TRPM1: variants seen among roughly 807,000 people sequenced by gnomAD.
TRPM1 encodes the protein TRPM1-203 APA Isoform, Intron 10.
A neutral mutation model predicts 149.4 loss-of-function variants in TRPM1; 113 were observed. That is an observed-to-expected ratio of 0.76 (90% CI 0.65 to 0.88). TRPM1 has a LOEUF of 0.88. Among genes scored for constraint, TRPM1 ranks in the 40% least tolerant of loss-of-function variants. The pLI is 0.00. For missense variants in TRPM1, 1,976 were observed against 2,038.7 expected (o/e 0.97, Z 0.59); for synonymous variants, 741 against 759.5 (o/e 0.98, Z 0.40).
At chr15:31,045,989 C>T (rs570721876) in intron 16 of TRPM1, among the ~76,000 whole-genome samples, 4 of 152,074 alleles carry the variant, frequency 2.6e-5, no homozygotes, top group African/African-American at 9.7e-5. Flanking sequence ...TTAATCTTTG[C>T]TTTTGAAACT....
chr15:31,155,579 A>T (rs2036360787), intron 1 of TRPM1, among the ~76,000 whole-genome samples: 2 of 152,244 alleles, frequency 1.3e-5, no homozygotes, highest in Admixed American at 1.3e-4. Flanking sequence ...TTTCAAAATC[A>T]TAGACAAGAC....
chr15:31,047,516 C>T (rs556540043), intron 14 of TRPM1, among the ~76,000 whole-genome samples: 1 of 152,314 alleles, frequency 6.6e-6, no homozygotes, highest in South Asian at 2.1e-4. Context: ...CTGGAAAGAG[C>T]CACAGGCAGT....
intron 27 of TRPM1, among the ~76,000 whole-genome samples, chr15:31,011,924 A>G (rs2032198064): frequency 6.6e-6 from 1 of 152,122 alleles, no homozygotes; most frequent in South Asian, 2.1e-4. Flanking sequence ...TTCGCCTCCC[A>G]AAGTGCTGGG....
chr15:31,006,849 T>A (rs192659801), intron 27 of TRPM1, among the ~76,000 whole-genome samples: 18 of 152,258 alleles, frequency 1.2e-4, no homozygotes, highest in African/African-American at 4.3e-4. Context: ...ATTCTGGTTT[T>A]AATTTTCATT....
intron 1 of TRPM1, among the ~76,000 whole-genome samples, chr15:31,115,662 C>T (rs761171694): frequency 6.6e-6 from 1 of 151,814 alleles, no homozygotes; most frequent in Non-Finnish European, 1.5e-5. Context: ...GTGAATACCA[C>T]AGAAAAATCC....
intron 1 of TRPM1, among the ~76,000 whole-genome samples, chr15:31,153,833 G>A (rs1048117481): frequency 6.6e-6 from 1 of 152,202 alleles, no homozygotes; most frequent in Non-Finnish European, 1.5e-5. Flanking sequence ...GTCTCAAACT[G>A]ATTGAGACTT....
Position 31,002,101 on chromosome 15 carries a change from G to A in TRPM1, c.4599C>T (p.Val1533=), listed in dbSNP as rs1468622803. The A allele has an allele frequency of 2.5e-6, 4 of 1,614,112 alleles. No homozygotes were observed. The highest frequency in any genetic ancestry group is 2.7e-5 in the African/African-American group (2 of 74,956). ...GAGGGATTCGAGGAATTGCTTCAGCGACATGGTGTTCATCTTGCATATCTG... is the reference window on the plus strand; with the variant it reads ...GAGGGATTCGAGGAATTGCTTCAGCAACATGGTGTTCATCTTGCATATCTG... ...QFADMQDEHH[V]AEAIPRIPRL... is the part of the protein sequence containing the mutation. Residue 1533 remains valine, a synonymous_variant, in exon 28 of 28, where the codon GTC becomes GTT. Coordinates refer to ENST00000256552, the MANE Select transcript of TRPM1 (RefSeq NM_001252024.2).
At chr15:31,149,751 C>T (rs1479389629) in intron 1 of TRPM1, among the ~76,000 whole-genome samples, 2 of 152,032 alleles carry the variant, frequency 1.3e-5, no homozygotes, top group East Asian at 1.9e-4. Flanking sequence ...GATCTCCTGA[C>T]CTTGTGATCC....
intron 23 of TRPM1, among the ~76,000 whole-genome samples, 177 bp downstream of exon 23, chr15:31,030,806 G>A (rs1235121814): frequency 6.6e-6 from 1 of 152,222 alleles, no homozygotes. Flanking sequence ...AATGACTGAT[G>A]TCTGAAAATC....
intron 1 of TRPM1, among the ~76,000 whole-genome samples, chr15:31,125,758 TATTAAA>T (rs1465139154): frequency 1.1e-5 from 1 of 91,198 alleles, no homozygotes; most frequent in African/African-American, 3.8e-5. Flanking sequence ...AAAAAAAAAT[TATTAAA>T]AAATTAAAAT....
At chr15:31,021,257 T>C (rs1429277914) in intron 27 of TRPM1, among the ~76,000 whole-genome samples, 1 of 152,222 alleles carries the variant, frequency 6.6e-6, no homozygotes, top group Non-Finnish European at 1.5e-5. Flanking sequence ...CTAAGACTGA[T>C]CTCTCTTTCA....
At position 31,002,739 on chromosome 15, in the gene TRPM1, T is replaced by C; in HGVS notation, c.3961A>G (p.Lys1321Glu). The C allele has an allele frequency of 6.2e-7, 1 of 1,614,208 alleles. No individual in the cohort carries two copies. Among genetic ancestry groups the C allele is most frequent in the Non-Finnish European group, 8.5e-7 (1 of 1,180,050 alleles). The part of the protein sequence containing the change: ...LSTSPGTGVR[K>E]KTCSFRIKEE... The stretch of plus-strand genomic sequence containing the variant: ...TTTATACGGAAGGAACAGGTTTTTT[T>C]CCTGACTCCTGTCCCTGGTGACGTG... The change falls in exon 28 of 28, where the codon AAA becomes GAA. Residue 1321 changes from lysine to glutamate, a missense_variant. This residue lies in a region of TRPM1 where 572 missense variants were observed against 578.9 expected (regional missense o/e 0.99). Transcript: ENST00000256552.
At chr15:31,113,820 A>C (rs115933157) in intron 1 of TRPM1, among the ~76,000 whole-genome samples, 1 of 152,006 alleles carries the variant, frequency 6.6e-6, no homozygotes, top group Non-Finnish European at 1.5e-5. Context: ...AGCAAGATTT[A>C]TTGTGAAGAT....
intron 3 of TRPM1, among the ~76,000 whole-genome samples, chr15:31,071,879 G>C (rs907693043): frequency 6.7e-6 from 1 of 148,572 alleles, no homozygotes; most frequent in Non-Finnish European, 1.5e-5. Flanking sequence ...CAGGAGAATC[G>C]TTTGAACCCC....
chr15:31,024,026 T>TAGG, intron 27 of TRPM1, among the ~76,000 whole-genome samples: 1 of 152,214 alleles, frequency 6.6e-6, no homozygotes, highest in Admixed American at 6.5e-5. Flanking sequence ...ACCCATCCTG[T>TAGG]GTGAACACGC....
chr15:31,068,613 G>A (rs1029376951), intron 4 of TRPM1, among the ~76,000 whole-genome samples: 1 of 151,804 alleles, frequency 6.6e-6, no homozygotes, highest in Non-Finnish European at 1.5e-5. Context: ...GTGTGGTAGC[G>A]CATACCTGTA....
chr15:31,047,225 G>T lies in TRPM1; in HGVS notation c.1650C>A (p.Ile550=). 1 of 1,614,230 alleles carries T rather than the reference G, an allele frequency of 6.2e-7. No individual in the cohort carries two copies. ...GCACGAGCCCGATGTCTATGAGGCT[G>T]ATGTGGTAATCAGGCGGAAGGTTGC... is the stretch of plus-strand genomic sequence containing the variant. ...KKSNLPPDYH[I]SLIDIGLVLE... Residue 550 remains isoleucine (I), a synonymous_variant, in exon 15 of 28, where the codon ATC becomes ATA. Coordinates refer to ENST00000256552, the MANE Select transcript of TRPM1 (RefSeq NM_001252024.2).
intron 1 of TRPM1, among the ~76,000 whole-genome samples, chr15:31,143,665 G>A (rs2036187055): frequency 6.6e-6 from 1 of 151,950 alleles, no homozygotes; most frequent in African/African-American, 2.4e-5. Flanking sequence ...CACCCACCTC[G>A]GCCTCCCAAA....
chr15:31,046,449 C>T (rs987718214), intron 15 of TRPM1, among the ~76,000 whole-genome samples: 1 of 152,180 alleles, frequency 6.6e-6, no homozygotes, highest in African/African-American at 2.4e-5. Flanking sequence ...TCAGCAGACG[C>T]GTGGCCCTTA....
Sources: allele counts gnomAD v4.1 joint callset (sites outside exome capture counted in the v4.1 genomes callset), GRCh38; gene constraint gnomAD v4.1.1; regional missense constraint gnomAD v4.1.1; transcripts MANE v1.5; gene names NCBI Gene and HGNC (gene_info 2026-07-23, HGNC 2026-07-21).